Variants in FAM107B observed in about 807,000 individuals in gnomAD.
FAM107B encodes protein FAM107B.
A neutral mutation model predicts 31.5 loss-of-function variants in FAM107B; 21 were observed. The observed-to-expected ratio is 0.67, with a 90% CI of 0.47 to 0.96. FAM107B has a LOEUF of 0.96. Ranked by LOEUF, FAM107B falls within the 40% of genes least tolerant of loss-of-function variation. The pLI is 0.00. For synonymous variants in FAM107B, 157 were observed against 141.5 expected (o/e 1.11, Z -0.78); for missense variants, 452 against 377.1 (o/e 1.20, Z -1.64).
intron 1 of FAM107B, among the ~76,000 whole-genome samples, chr10:14,769,486 G>A (rs1833252732): frequency 6.6e-6 from 1 of 152,172 alleles, no homozygotes. Flanking sequence ...CAGGGTTCAA[G>A]CAATTCTTGT....
intron 2 of FAM107B, among the ~76,000 whole-genome samples, chr10:14,570,781 GA>G (rs1851150371): frequency 2.8e-5 from 4 of 143,420 alleles, no homozygotes; most frequent in Non-Finnish European, 4.6e-5. Flanking sequence ...CAGCCTGGAT[GA>G]CAGAGTGAGA....
At chr10:14,667,511 T>C in intron 2 of FAM107B, 123 bp downstream of exon 2, 1 of 942,442 alleles carries the variant, frequency 1.1e-6, no homozygotes, top group Non-Finnish European at 1.6e-6. Flanking sequence ...ACATTTCTAG[T>C]CATGTTTCCA....
At chr10:14,732,290 T>G (rs528785709) in intron 1 of FAM107B, among the ~76,000 whole-genome samples, 1 of 152,302 alleles carries the variant, frequency 6.6e-6, no homozygotes, top group South Asian at 2.1e-4. Context: ...GCAGACCTAT[T>G]TCTCCACTCT....
chr10:14,528,174 G>GT (rs34584902), intron 3 of FAM107B: 957 of 67,624 alleles, frequency 0.014, 46 homozygotes, highest in African/African-American at 0.037. Context: ...TTAAGTTTTG[G>GT]TTTTTTTTTT....
intron 1 of FAM107B, among the ~76,000 whole-genome samples, chr10:14,737,380 A>G (rs766320949): frequency 1.7e-4 from 26 of 152,118 alleles, no homozygotes; most frequent in Non-Finnish European, 2.2e-4. Flanking sequence ...CAGAACGTCG[A>G]GGTGGGCGGA....
In FAM107B at chr10:14,658,510, G is replaced by A. The variant is rs534836208; in HGVS notation, c.469+9124C>T. 1.3e-4 allele frequency among the ~76,000 whole-genome samples: 20 copies of A among 152,310 alleles called. No homozygotes were observed. The South Asian group carries it at 2.5e-3, about 19-fold the overall frequency. Reference sequence around the variant, plus strand: ...CAACAGTTTTTACATCAAAAGTCACGTTGTAAACCAGACTCAATCATTCAT... The same window carrying A: ...CAACAGTTTTTACATCAAAAGTCACATTGTAAACCAGACTCAATCATTCAT... On this transcript the variant is annotated intron_variant, in intron 2 of 4. Coordinates refer to ENST00000181796, the MANE Select transcript of FAM107B (RefSeq NM_031453.4).
In FAM107B at chr10:14,530,196, G is replaced by A. The variant is rs139845011; in HGVS notation, c.653+136C>T. 1.3e-4 allele frequency: 130 copies of A among 983,218 alleles called. No homozygotes were observed. The African/African-American group carries it at 1.8e-3, about 14-fold the overall frequency. 60.9% of individuals were successfully genotyped at this position (983,218 alleles called of 1,614,324 possible). On this transcript the variant is annotated intron_variant, in intron 3 of 4. Coordinates refer to ENST00000181796, the MANE Select transcript of FAM107B (RefSeq NM_031453.4). ...GAGGGGTAACCCGGTTCTAGGATGT[G>A]AGAAGGAATAAGAAAGCCTTAACAA...
chr10:14,764,678 G>A (rs112492999), intron 1 of FAM107B, among the ~76,000 whole-genome samples: 1,644 of 152,306 alleles, frequency 0.011, 27 homozygotes, highest in African/African-American at 0.037. Context: ...CATGTCTGTG[G>A]CTGGAAAAAG....
chr10:14,542,245 G>A (rs985246663), intron 2 of FAM107B, among the ~76,000 whole-genome samples: 1 of 150,262 alleles, frequency 6.7e-6, no homozygotes, highest in African/African-American at 2.5e-5. Context: ...ACTCCAGCCT[G>A]GGCAATGCAG....
chr10:14,746,146 T>G (rs1832723414), intron 1 of FAM107B, among the ~76,000 whole-genome samples: 1 of 152,200 alleles, frequency 6.6e-6, no homozygotes, highest in Non-Finnish European at 1.5e-5. Flanking sequence ...TGTCATTTGC[T>G]TGATAAATTT....
intron 2 of FAM107B, among the ~76,000 whole-genome samples, chr10:14,655,394 T>C (rs1854020817): frequency 6.6e-6 from 1 of 152,232 alleles, no homozygotes; most frequent in South Asian, 2.1e-4. Flanking sequence ...TCTTTTCTTT[T>C]TTTTCTATCT....
chr10:14,551,807 CAGTCTCAAT>C (rs1366205974), intron 2 of FAM107B, among the ~76,000 whole-genome samples: 1 of 152,010 alleles, frequency 6.6e-6, no homozygotes, highest in Non-Finnish European at 1.5e-5. Context: ...ACTGAAATGC[CAGTCTCAAT>C]AGTCCCTATT....
At chr10:14,597,026 G>C (rs1852210439) in intron 2 of FAM107B, among the ~76,000 whole-genome samples, 1 of 152,162 alleles carries the variant, frequency 6.6e-6, no homozygotes, top group Non-Finnish European at 1.5e-5. Flanking sequence ...AATCTTTCAA[G>C]TCTAGGCCTC....
intron 1 of FAM107B, among the ~76,000 whole-genome samples, chr10:14,742,447 A>G (rs1398993128): frequency 6.6e-6 from 1 of 152,184 alleles, no homozygotes; most frequent in African/African-American, 2.4e-5. Context: ...AGATGATGCT[A>G]ACAAAGTACA....
chr10:14,545,589 G>A (rs1359879493), intron 2 of FAM107B, among the ~76,000 whole-genome samples: 1 of 152,186 alleles, frequency 6.6e-6, no homozygotes, highest in Non-Finnish European at 1.5e-5. Context: ...CTGCTAGAGG[G>A]GAGAGGCCAT....
intron 1 of FAM107B, among the ~76,000 whole-genome samples, chr10:14,735,923 T>G (rs1324439232): frequency 6.6e-6 from 1 of 152,294 alleles, no homozygotes; most frequent in East Asian, 1.9e-4. Context: ...CAAAGGGCTA[T>G]TATGTATCTA....
chr10:14,702,504 AC>A (rs1298563515), intron 1 of FAM107B, among the ~76,000 whole-genome samples: 1 of 151,830 alleles, frequency 6.6e-6, no homozygotes, highest in Middle Eastern at 3.2e-3. Context: ...ACACCACAAC[AC>A]CCAAATACTT....
chr10:14,703,816 A>AT (rs1222961422), intron 1 of FAM107B, among the ~76,000 whole-genome samples: 1 of 152,156 alleles, frequency 6.6e-6, no homozygotes. Context: ...TGCTGTCTCG[A>AT]TTTTTTTAAG....
At chr10:14,657,553 A>G (rs1263538208) in intron 2 of FAM107B, among the ~76,000 whole-genome samples, 2 of 152,194 alleles carry the variant, frequency 1.3e-5, no homozygotes, top group African/African-American at 4.8e-5. Flanking sequence ...CTTGGATTCC[A>G]GGGCAATTTC....
Sources: gnomAD v4.1 joint callset for allele counts (sites outside exome capture counted in the v4.1 genomes callset) on GRCh38, gnomAD v4.1.1 for gene constraint, MANE v1.5 for transcripts, NCBI Gene and HGNC (gene_info 2026-07-23, HGNC 2026-07-21) for gene names.